Variants in IL1RAPL1 observed in about 807,000 individuals in gnomAD.
The protein encoded by IL1RAPL1 is interleukin 1 receptor accessory protein like 1, also known as interleukin-1 receptor accessory protein-like 1.
In IL1RAPL1, 3 loss-of-function variants were observed where a neutral mutation model predicts 48.4. That is an observed-to-expected ratio of 0.06 (90% CI 0.03 to 0.16). The LOEUF is 0.16. IL1RAPL1 is among the 10% of genes least tolerant of loss of function. The pLI is 1.00. For missense variants in IL1RAPL1, 349 were observed against 530.6 expected (o/e 0.66, Z 3.36); for synonymous variants, 185 against 187.7 (o/e 0.99, Z 0.12).
Position 29,444,584 on chromosome X carries a change from A to G in IL1RAPL1, c.703+45276A>G, listed in dbSNP as rs147363707. ...ACCTGGGTGTTACAACGTAGAACATAACTATTTAGGACAAAAGGGGATGTG... is the reference window on the plus strand; with the variant it reads ...ACCTGGGTGTTACAACGTAGAACATGACTATTTAGGACAAAAGGGGATGTG... On this transcript the variant is annotated intron_variant, in intron 5 of 10. Coordinates refer to ENST00000378993, the MANE Select transcript of IL1RAPL1 (RefSeq NM_014271.4). Among the ~76,000 whole-genome samples the G allele has an allele frequency of 3.5e-3, 388 of 110,798 alleles. 2 individuals are homozygous for G. Among genetic ancestry groups the G allele is most frequent in the African/African-American group, 0.012 (366 of 30,514 alleles).
chrX:29,056,278 G>C (rs754983323), intron 2 of IL1RAPL1, among the ~76,000 whole-genome samples: 37 of 111,005 alleles, frequency 3.3e-4, no homozygotes, highest in African/African-American at 1.1e-3. Flanking sequence ...TAATATTATT[G>C]AAAATGGGTT....
At chrX:29,827,556 C>T (rs1343843730) in intron 6 of IL1RAPL1, among the ~76,000 whole-genome samples, 1 of 111,427 alleles carries the variant, frequency 9.0e-6, no homozygotes, top group East Asian at 2.8e-4. Context: ...GTAAGGTGAC[C>T]AGAGAAGGCC....
At chrX:28,829,684 G>A (rs1377793842) in intron 2 of IL1RAPL1, among the ~76,000 whole-genome samples, 3 of 107,158 alleles carry the variant, frequency 2.8e-5, no homozygotes, top group Admixed American at 1.0e-4. Flanking sequence ...CTCAGCCTCC[G>A]GAGTAGCTGG....
chrX:29,742,593 C>G (rs1293692073), intron 6 of IL1RAPL1, among the ~76,000 whole-genome samples: 1 of 110,894 alleles, frequency 9.0e-6, no homozygotes, highest in Non-Finnish European at 1.9e-5. Flanking sequence ...AAAAAAACCT[C>G]TAACTATCCA....
chrX:29,224,182 G>A (rs746637843), intron 2 of IL1RAPL1, among the ~76,000 whole-genome samples: 16 of 111,265 alleles, frequency 1.4e-4, no homozygotes, highest in African/African-American at 4.9e-4. Flanking sequence ...GATACGGACA[G>A]AATTTCAGAT....
At chrX:29,038,549 A>G (rs751242750) in intron 2 of IL1RAPL1, among the ~76,000 whole-genome samples, 1 of 111,558 alleles carries the variant, frequency 9.0e-6, no homozygotes, top group Non-Finnish European at 1.9e-5. Context: ...TCTGATCACT[A>G]ATATTCTCTT....
chrX:29,065,691 G>T lies in IL1RAPL1; in HGVS notation c.83-217247G>T, dbSNP rs767449612. Among the ~76,000 whole-genome samples, 35 of 111,666 alleles carry T rather than the reference G, an allele frequency of 3.1e-4. No homozygotes were observed. In the South Asian group the frequency reaches 0.012, roughly 39 times the overall value. ...TAATGGTTGCCCAACTTTCTGTGAG[G>T]CTCTGTTAAGTTTTTCCATTCTTTT... On this transcript the variant is annotated intron_variant, in intron 2 of 10. Transcript: ENST00000378993.
chrX:29,233,893 T>C (rs1234539985), intron 2 of IL1RAPL1, among the ~76,000 whole-genome samples: 1 of 112,457 alleles, frequency 8.9e-6, no homozygotes, highest in African/African-American at 3.2e-5. Context: ...CTTGACAAAG[T>C]AAGCAGCCAT....
intron 1 of IL1RAPL1, among the ~76,000 whole-genome samples, chrX:28,742,123 A>G (rs1935915252): frequency 9.0e-6 from 1 of 111,208 alleles, no homozygotes; most frequent in Non-Finnish European, 1.9e-5. Context: ...ATTTTGCAGT[A>G]TGGAAAATGA....
intron 5 of IL1RAPL1, among the ~76,000 whole-genome samples, chrX:29,591,216 A>G (rs1432175182): frequency 8.9e-6 from 1 of 112,221 alleles, no homozygotes; most frequent in Admixed American, 9.4e-5. Context: ...CAGGAAATTA[A>G]GAGATGAGCT....
intron 2 of IL1RAPL1, among the ~76,000 whole-genome samples, chrX:29,268,967 G>A (rs900002595): frequency 9.0e-6 from 1 of 111,677 alleles, no homozygotes; most frequent in Non-Finnish European, 1.9e-5. Context: ...CTAAGTGTCT[G>A]AAGTCTTAAC....
chrX:29,711,025 C>G (rs1927329760), intron 6 of IL1RAPL1, among the ~76,000 whole-genome samples: 1 of 91,984 alleles, frequency 1.1e-5, no homozygotes, highest in Admixed American at 1.2e-4. Context: ...AATTCTGAGT[C>G]TTTTTATCCA....
intron 1 of IL1RAPL1, among the ~76,000 whole-genome samples, chrX:28,723,359 A>G (rs913290428): frequency 9.0e-6 from 1 of 111,435 alleles, no homozygotes; most frequent in African/African-American, 3.3e-5. Context: ...CATTTCTTCT[A>G]GATTTTCTAG....
intron 2 of IL1RAPL1, among the ~76,000 whole-genome samples, chrX:28,977,774 T>G (rs753072641): frequency 1.3e-4 from 15 of 111,943 alleles, no homozygotes; most frequent in Non-Finnish European, 2.3e-4. Context: ...CTGGCCAACA[T>G]GGTGAAACCC....
At chrX:29,509,278 T>A (rs1935368848) in intron 5 of IL1RAPL1, among the ~76,000 whole-genome samples, 1 of 112,006 alleles carries the variant, frequency 8.9e-6, no homozygotes, top group Non-Finnish European at 1.9e-5. Context: ...TTAAGCCCTT[T>A]TACTAGATTG....
intron 3 of IL1RAPL1, among the ~76,000 whole-genome samples, chrX:29,390,070 G>A (rs918551547): frequency 1.8e-5 from 2 of 112,435 alleles, no homozygotes; most frequent in Non-Finnish European, 3.8e-5. Context: ...AAAATGGAAG[G>A]CTTTAAGATT....
At chrX:29,550,938 T>A (rs1921796099) in intron 5 of IL1RAPL1, among the ~76,000 whole-genome samples, 1 of 112,213 alleles carries the variant, frequency 8.9e-6, no homozygotes, top group Non-Finnish European at 1.9e-5. Flanking sequence ...TCTTCAAAAC[T>A]GAAACTCTGC....
At chrX:28,660,986 C>A (rs1167167814) in intron 1 of IL1RAPL1, among the ~76,000 whole-genome samples, 2 of 111,328 alleles carry the variant, frequency 1.8e-5, no homozygotes, top group Non-Finnish European at 3.8e-5. Context: ...CTAAAATGTT[C>A]TATATTAGCA....
chrX:29,334,892 G>A (rs1445696406), intron 3 of IL1RAPL1, among the ~76,000 whole-genome samples: 2 of 112,928 alleles, frequency 1.8e-5, no homozygotes, highest in East Asian at 5.6e-4. Context: ...GGCAGAGGCT[G>A]CAATCTCGGC....
Sources: allele counts gnomAD v4.1 joint callset (sites outside exome capture counted in the v4.1 genomes callset), GRCh38; gene constraint gnomAD v4.1.1; transcripts MANE v1.5; gene names NCBI Gene and HGNC (gene_info 2026-07-23, HGNC 2026-07-21).